The following SHTN1 variants were observed in gnomAD, a reference collection of about 807,000 sequenced individuals.
SHTN1 encodes the protein shootin 1.
Under a neutral mutation model 83.1 loss-of-function variants are expected in SHTN1, and 42 were observed. That is an observed-to-expected ratio of 0.51 (90% CI 0.39 to 0.65). SHTN1 has a LOEUF of 0.65. Ranked by LOEUF, SHTN1 falls within the 30% of genes least tolerant of loss-of-function variation. SHTN1 has a pLI of 0.00. For missense variants in SHTN1, 622 were observed against 737.8 expected, an observed-to-expected ratio of 0.84 and a Z score of 1.82; for synonymous variants, 224 against 247.7, an observed-to-expected ratio of 0.90 and a Z score of 0.90.
chr10:117,025,768 T>A (rs1852325572), intron 2 of SHTN1, among the ~76,000 whole-genome samples: 1 of 151,904 alleles, frequency 6.6e-6, no homozygotes, highest in African/African-American at 2.4e-5. Flanking sequence ...TGAGGACACC[T>A]TTCCAGGCCC....
chr10:117,071,401 T>C (rs1293435733), intron 1 of SHTN1, among the ~76,000 whole-genome samples: 1 of 152,218 alleles, frequency 6.6e-6, no homozygotes, highest in Admixed American at 6.5e-5. Context: ...TGTCAGGAAC[T>C]ATGCTAGGAC....
chr10:117,045,644 C>T lies in SHTN1; in HGVS notation c.-123+2801G>A, dbSNP rs571340471. 3.7e-4 allele frequency among the ~76,000 whole-genome samples: 57 copies of T among 152,294 alleles called. 1 individual carries two copies. Among genetic ancestry groups the T allele is most frequent in the African/African-American group, 1.3e-3 (55 of 41,582 alleles). ...CAGTAAACACAGCCTAACTTCTAGT[C>T]AGATTAACCTCATGCCAAAGGCCTA... On this transcript the variant is annotated intron_variant, in intron 2 of 17. Transcript: ENST00000392901.
chr10:117,080,895 A>C (rs1323483743), intron 1 of SHTN1, among the ~76,000 whole-genome samples: 4 of 116,892 alleles, frequency 3.4e-5, no homozygotes, highest in Non-Finnish European at 7.7e-5. Flanking sequence ...GTATCCTGAG[A>C]CTTTGCTGAA....
intron 1 of SHTN1, among the ~76,000 whole-genome samples, chr10:117,004,243 G>C (rs1249772636): frequency 6.6e-6 from 1 of 152,114 alleles, no homozygotes. Flanking sequence ...GGGTAATAAT[G>C]ATAAGTGTTT....
chr10:117,086,904 T>C (rs1853360566), intron 1 of SHTN1, among the ~76,000 whole-genome samples: 1 of 152,180 alleles, frequency 6.6e-6, no homozygotes, highest in East Asian at 1.9e-4. Context: ...ATACATATGA[T>C]GGAATATTAT....
chr10:116,921,566 C>A (rs1274534002), intron 11 of SHTN1, 50 bp from the exon 12 acceptor site: 2 of 1,347,396 alleles, frequency 1.5e-6, no homozygotes, highest in African/African-American at 1.5e-5. Context: ...TGCCTAGATC[C>A]TAAATAACCA....
chr10:116,886,153 A>G lies in SHTN1; in HGVS notation c.*191T>C. On this transcript the variant is annotated 3_prime_UTR_variant, in exon 17 of 17. Transcript: ENST00000355371. ...AAAGATCAAAAAACCAAAACCTACT[A>G]GGAATGTGTGTTTTGCTAAACAGCT... 2 of 763,588 alleles carry G rather than the reference A, an allele frequency of 2.6e-6. No individual in the cohort carries two copies. Among genetic ancestry groups the G allele is most frequent in the Non-Finnish European group, 4.1e-6 (2 of 493,072 alleles). 47.3% of individuals were successfully genotyped at this position (763,588 alleles called of 1,614,324 possible).
rs1181358521 is a variant in SHTN1 at position 117,096,565 on chromosome 10, A to G, written c.-189+29742T>C. Among the ~76,000 whole-genome samples, 4 of 152,232 alleles carry G rather than the reference A, an allele frequency of 2.6e-5. No individual in the cohort carries two copies. In the East Asian group the frequency reaches 5.8e-4, roughly 22 times the overall value. On this transcript the variant is annotated intron_variant, in intron 1 of 17. Coordinates refer to the SHTN1 transcript ENST00000392901. ...CACATACAATATAGACCAACATTCA[A>G]ATGGTATTTGTTAGATACTTCTGAA... is the stretch of plus-strand genomic sequence containing the variant.
At position 116,898,828 on chromosome 10, in the gene SHTN1, T is replaced by C. The variant is rs533034148; in HGVS notation, c.1673+2937A>G. On this transcript the variant is annotated intron_variant, in intron 16 of 16. Coordinates refer to ENST00000355371, the MANE Select transcript of SHTN1 (RefSeq NM_001127211.3). The stretch of plus-strand genomic sequence containing the variant: ...TGTTAATTTTAATTAATCCTTATAA[T>C]TAAGCATTAAAAGTGTTTCTTGCTT... Among the ~76,000 whole-genome samples, 112 of 152,354 alleles carry C rather than the reference T, an allele frequency of 7.4e-4. No individual in the cohort carries two copies. The South Asian group carries it at 7.7e-3, about 10-fold the overall frequency.
chr10:116,890,635 C>T (rs1360751075), intron 16 of SHTN1, among the ~76,000 whole-genome samples: 1 of 152,132 alleles, frequency 6.6e-6, no homozygotes, highest in Admixed American at 6.5e-5. Flanking sequence ...AGAAATATAC[C>T]AAGTTATGCC....
chr10:116,946,507 TGA>T (rs1849588284), intron 7 of SHTN1, among the ~76,000 whole-genome samples: 1 of 140,226 alleles, frequency 7.1e-6, no homozygotes, highest in East Asian at 2.0e-4. Context: ...ATATATAAAA[TGA>T]TTTATATATA....
intron 7 of SHTN1, 45 bp downstream of exon 7, chr10:116,948,871 A>G (rs753148245): frequency 8.1e-6 from 11 of 1,356,438 alleles, no homozygotes; most frequent in Non-Finnish European, 1.1e-5. Flanking sequence ...TGCAAACAGA[A>G]CACACCGCAT....
At chr10:117,086,400 C>T (rs990792659) in intron 1 of SHTN1, among the ~76,000 whole-genome samples, 5 of 152,108 alleles carry the variant, frequency 3.3e-5, no homozygotes, top group South Asian at 2.1e-4. Flanking sequence ...CCACTCTGAG[C>T]GTCCTTGTCT....
At chr10:116,994,547 CTG>C (rs1461398316) in intron 1 of SHTN1, among the ~76,000 whole-genome samples, 5 of 152,002 alleles carry the variant, frequency 3.3e-5, no homozygotes, top group Non-Finnish European at 7.4e-5. Context: ...AGGGGAGATT[CTG>C]TGTTTCATCA....
intron 4 of SHTN1, among the ~76,000 whole-genome samples, chr10:116,955,221 T>C (rs1460748623): frequency 6.6e-6 from 1 of 152,180 alleles, no homozygotes. Context: ...TTAGCTAATG[T>C]GTTTATGTAC....
At chr10:116,895,778 A>G (rs1847495956) in intron 16 of SHTN1, among the ~76,000 whole-genome samples, 1 of 152,242 alleles carries the variant, frequency 6.6e-6, no homozygotes, top group African/African-American at 2.4e-5. Context: ...GTTCAAGTGC[A>G]ATTTGATCTA....
At chr10:117,114,877 C>T (rs965178872) in intron 1 of SHTN1, among the ~76,000 whole-genome samples, 7 of 152,202 alleles carry the variant, frequency 4.6e-5, no homozygotes, top group African/African-American at 1.7e-4. Flanking sequence ...CTTCTCTGCT[C>T]TCATATGGGG....
intron 1 of SHTN1, among the ~76,000 whole-genome samples, chr10:117,119,955 T>C (rs1481656081): frequency 6.6e-6 from 1 of 152,158 alleles, no homozygotes; most frequent in Non-Finnish European, 1.5e-5. Context: ...ATGTTCTCAC[T>C]TATTTGTGAG....
intron 1 of SHTN1, among the ~76,000 whole-genome samples, chr10:117,086,339 T>C (rs1182684739): frequency 6.6e-6 from 1 of 152,248 alleles, no homozygotes; most frequent in Non-Finnish European, 1.5e-5. Flanking sequence ...CTTTATAAAG[T>C]GGGTTTCTTG....
Sources: gnomAD v4.1 joint callset for allele counts (sites outside exome capture counted in the v4.1 genomes callset) on GRCh38, gnomAD v4.1.1 for gene constraint, MANE v1.5 for transcripts, NCBI Gene and HGNC (gene_info 2026-07-23, HGNC 2026-07-21) for gene names.